Variants in GABRB2 observed in about 807,000 individuals in gnomAD.
GABRB2 encodes the protein gamma-aminobutyric acid receptor subunit beta-2.
GABRB2 carries 16 observed loss-of-function variants against 54.7 expected under a neutral mutation model. The observed-to-expected ratio is 0.29, with a 90% confidence interval of 0.20 to 0.44. The LOEUF is 0.44. GABRB2 is among the 20% of genes least tolerant of loss of function. The pLI is 1.00. For synonymous variants in GABRB2, 244 were observed against 233.8 expected (o/e 1.04, Z -0.40); for missense variants, 355 against 644.0 (o/e 0.55, Z 4.86).
intron 8 of GABRB2, chr5:161,329,311 T>G: frequency 6.6e-6 from 1 of 152,180 alleles, no homozygotes; most frequent in East Asian, 1.9e-4. Context: ...AGAAAATAGG[T>G]TTAGAAAATA....
Position 161,545,275 on chromosome 5 carries a change from C to T in GABRB2, c.189G>A (p.Gly63=). The T allele has an allele frequency of 6.2e-7, 1 of 1,607,362 alleles. No individual in the cohort carries two copies. The highest frequency in any genetic ancestry group is 8.5e-7 in the Non-Finnish European group (1 of 1,177,380). Residue 63 remains glycine (G), a synonymous_variant, in exon 3 of 10, where the codon GGG becomes GGA. Coordinates refer to ENST00000393959, the MANE Select transcript of GABRB2 (RefSeq NM_001371727.1). The part of the protein sequence containing the change: ...PDFGGPPVAV[G]MNIDIASIDM... ...CGATGCTGGCAATGTCAATGTTCAT[C>T]CCCACAGCCACGGGGGGACCTGCAA...
intron 3 of GABRB2, among the ~76,000 whole-genome samples, chr5:161,502,636 A>T (rs1657798004): frequency 6.6e-6 from 1 of 152,212 alleles, no homozygotes; most frequent in African/African-American, 2.4e-5. Flanking sequence ...GGAAAGAAAC[A>T]TGGGAAATTG....
intron 4 of GABRB2, among the ~76,000 whole-genome samples, chr5:161,424,368 G>A (rs1249831869): frequency 6.6e-6 from 1 of 152,052 alleles, no homozygotes; most frequent in Non-Finnish European, 1.5e-5. Context: ...TCTTGTTAAG[G>A]GCAGGTGACT....
chr5:161,336,723 A>G lies in GABRB2; in HGVS notation c.588T>C (p.Asp196=). The change falls in exon 6 of 10, where the codon GAT becomes GAC. Residue 196 remains aspartate (D), a synonymous_variant. Transcript: ENST00000393959. ...DDIEFYWRGD[D]NAVTGVTKIE... is the part of the protein sequence containing the mutation. ...TTTTCGTTACTCCTGTTACTGCATTATCATCGCCACGCCAGTAAAACTCAA... is the reference window on the plus strand; with the variant it reads ...TTTTCGTTACTCCTGTTACTGCATTGTCATCGCCACGCCAGTAAAACTCAA... 1 of 1,613,298 alleles carries G rather than the reference A, an allele frequency of 6.2e-7. No homozygotes were observed. Among genetic ancestry groups the G allele is most frequent in the Non-Finnish European group, 8.5e-7 (1 of 1,179,660 alleles).
intron 3 of GABRB2, among the ~76,000 whole-genome samples, chr5:161,474,049 T>C (rs1758523133): frequency 6.6e-6 from 1 of 151,888 alleles, no homozygotes; most frequent in Admixed American, 6.6e-5. Context: ...AGCCCAGCCA[T>C]GCAAAGCTAT....
At chr5:161,300,495 T>G (rs1434081418) in intron 9 of GABRB2, among the ~76,000 whole-genome samples, 1 of 152,220 alleles carries the variant, frequency 6.6e-6, no homozygotes, top group Non-Finnish European at 1.5e-5. Context: ...TAGAACATTT[T>G]AACAATTCTG....
chr5:161,459,332 A>C (rs920535920), intron 4 of GABRB2: 4 of 380,256 alleles, frequency 1.1e-5, no homozygotes, highest in African/African-American at 8.1e-5. Flanking sequence ...TTTTAAAGAA[A>C]CCCTATGTCT....
chr5:161,533,961 T>C (rs1410601635), intron 3 of GABRB2, among the ~76,000 whole-genome samples: 1 of 152,200 alleles, frequency 6.6e-6, no homozygotes, highest in Admixed American at 6.6e-5. Flanking sequence ...ACAATGTTAA[T>C]GAAGTGATAG....
At chr5:161,404,380 C>G (rs1191849757) in intron 5 of GABRB2, among the ~76,000 whole-genome samples, 1 of 151,860 alleles carries the variant, frequency 6.6e-6, no homozygotes, top group African/African-American at 2.4e-5. Flanking sequence ...TATAACTAAG[C>G]CTCACTGTAG....
rs570148390 is a variant in GABRB2, at chr5:161,321,784, A to G, written c.1191+4584T>C. 5.3e-5 allele frequency among the ~76,000 whole-genome samples: 8 copies of G among 152,272 alleles called. No individual in the cohort carries two copies. In the East Asian group the frequency reaches 1.5e-3, roughly 29 times the overall value. On this transcript the variant is annotated intron_variant, in intron 9 of 9. Transcript: ENST00000393959. ...GGTCATTCACTTTTTCTTAACTGGA[A>G]ATTGAGTAATTTCAGAGGAATATAC... is the stretch of plus-strand genomic sequence containing the variant.
intron 5 of GABRB2, among the ~76,000 whole-genome samples, chr5:161,376,330 G>A (rs1174278184): frequency 6.6e-6 from 1 of 152,088 alleles, no homozygotes; most frequent in Non-Finnish European, 1.5e-5. Context: ...GAAAATGTTT[G>A]AATTAGAATC....
intron 5 of GABRB2, among the ~76,000 whole-genome samples, chr5:161,362,322 A>G (rs964005435): frequency 6.6e-6 from 1 of 152,186 alleles, no homozygotes; most frequent in African/African-American, 2.4e-5. Context: ...AAGAAAGCCA[A>G]TGGTAGCTTG....
intron 5 of GABRB2, among the ~76,000 whole-genome samples, chr5:161,373,958 G>A (rs1755208432): frequency 6.6e-6 from 1 of 151,396 alleles, no homozygotes; most frequent in Non-Finnish European, 1.5e-5. Context: ...TTTTATTTTT[G>A]TTGAGACTGA....
intron 3 of GABRB2, among the ~76,000 whole-genome samples, chr5:161,521,427 A>G (rs1760111934): frequency 2.0e-5 from 3 of 151,932 alleles, no homozygotes; most frequent in Admixed American, 6.6e-5. Flanking sequence ...CCAGATGCTT[A>G]AATTTCTGGA....
intron 3 of GABRB2, among the ~76,000 whole-genome samples, chr5:161,463,549 TTTTATTTATATATA>T (rs869191305): frequency 0.11 from 6,055 of 54,380 alleles, 484 homozygotes; most frequent in Non-Finnish European, 0.14. Context: ...TTCCAAATAT[TTTTATTTATATATA>T]TATATATATA....
chr5:161,368,310 G>A (rs541131390), intron 5 of GABRB2, among the ~76,000 whole-genome samples: 1 of 152,228 alleles, frequency 6.6e-6, no homozygotes, highest in Non-Finnish European at 1.5e-5. Context: ...TCAATTAACA[G>A]TGAATGATCA....
chr5:161,417,434 G>A (rs1488075495), intron 4 of GABRB2, among the ~76,000 whole-genome samples: 1 of 152,144 alleles, frequency 6.6e-6, no homozygotes, highest in African/African-American at 2.4e-5. Flanking sequence ...ACGGTGAGTG[G>A]TAGAGCTGGA....
At chr5:161,372,138 G>A (rs760368897) in intron 5 of GABRB2, among the ~76,000 whole-genome samples, 4 of 152,164 alleles carry the variant, frequency 2.6e-5, no homozygotes, top group Non-Finnish European at 5.9e-5. Context: ...ATCTGCAGAT[G>A]TGTTGCTCTG....
chr5:161,340,666 G>A (rs948941907), intron 5 of GABRB2, among the ~76,000 whole-genome samples: 1 of 151,244 alleles, frequency 6.6e-6, no homozygotes, highest in African/African-American at 2.4e-5. Flanking sequence ...TCATAGAGCT[G>A]TCAGGCAGAA....
Sources: allele counts gnomAD v4.1 joint callset (sites outside exome capture counted in the v4.1 genomes callset), GRCh38; gene constraint gnomAD v4.1.1; transcripts MANE v1.5; gene names NCBI Gene and HGNC (gene_info 2026-07-23, HGNC 2026-07-21).